The following NELL1 variants were observed in gnomAD, a reference collection of about 807,000 sequenced individuals.
The protein encoded by NELL1 is protein kinase C-binding protein NELL1.
Under a neutral mutation model 107.4 loss-of-function variants are expected in NELL1, and 76 were observed. The ratio of observed to expected loss-of-function variants is 0.71; its 90% CI spans 0.59 to 0.86. The LOEUF (loss-of-function observed/expected upper bound fraction) is 0.86, where lower values mean the gene tolerates loss of function less well. NELL1 is among the 40% of genes least tolerant of loss of function. NELL1 has a pLI of 0.00. For missense variants in NELL1, 1,024 were observed against 1,005.5 expected (o/e 1.02, Z -0.25); for synonymous variants, 353 against 341.2 (o/e 1.03, Z -0.38).
At chr11:21,053,062 G>A (rs1448283580) in intron 12 of NELL1, among the ~76,000 whole-genome samples, 1 of 152,054 alleles carries the variant, frequency 6.6e-6, no homozygotes, top group African/African-American at 2.4e-5. Flanking sequence ...TTTGCAGGAG[G>A]GCTCCCGTCC....
chr11:21,517,569 C>T (rs1310205300), intron 15 of NELL1, among the ~76,000 whole-genome samples: 1 of 152,072 alleles, frequency 6.6e-6, no homozygotes, highest in African/African-American at 2.4e-5. Context: ...AATATGGTAG[C>T]GTATAGACAT....
intron 4 of NELL1, among the ~76,000 whole-genome samples, chr11:20,874,617 A>C (rs1564944994): frequency 6.6e-6 from 1 of 152,148 alleles, no homozygotes; most frequent in Admixed American, 6.5e-5. Context: ...ATAAATTTTG[A>C]GACAGTGCCT....
intron 1 of NELL1, among the ~76,000 whole-genome samples, chr11:20,676,688 C>G (rs1341182260): frequency 6.6e-6 from 1 of 152,144 alleles, no homozygotes; most frequent in African/African-American, 2.4e-5. Flanking sequence ...ATTTCCTTCT[C>G]CAAGGCTGTA....
chr11:20,751,176 T>A (rs1856130033), intron 2 of NELL1, among the ~76,000 whole-genome samples: 1 of 146,264 alleles, frequency 6.8e-6, no homozygotes, highest in South Asian at 2.1e-4. Context: ...AATTCCAACT[T>A]TTTTTTTTTT....
At chr11:20,691,836 T>C (rs1243573171) in intron 2 of NELL1, among the ~76,000 whole-genome samples, 2 of 152,242 alleles carry the variant, frequency 1.3e-5, no homozygotes, top group South Asian at 4.1e-4. Flanking sequence ...TTTCTATTGA[T>C]TGGAATAGTT....
intron 15 of NELL1, among the ~76,000 whole-genome samples, chr11:21,486,343 A>C (rs538449614): frequency 6.4e-4 from 97 of 152,250 alleles, no homozygotes; most frequent in African/African-American, 2.0e-3. Context: ...ACCCTAAGCC[A>C]CTGAGGAAAT....
intron 2 of NELL1, among the ~76,000 whole-genome samples, chr11:20,761,529 T>G (rs916295747): frequency 1.3e-5 from 2 of 152,206 alleles, no homozygotes; most frequent in African/African-American, 4.8e-5. Context: ...GTCAGAAATA[T>G]TTTGTAGTCT....
At chr11:21,053,967 A>G (rs1853557723) in intron 12 of NELL1, among the ~76,000 whole-genome samples, 1 of 152,100 alleles carries the variant, frequency 6.6e-6, no homozygotes. Context: ...TTCCCCATTC[A>G]CTATTTTGTA....
chr11:21,105,870 CCTTCCT>C (rs1330242712), intron 12 of NELL1, among the ~76,000 whole-genome samples: 10 of 7,118 alleles, frequency 1.4e-3, no homozygotes, highest in African/African-American at 5.4e-3. Context: ...CTCCCCCTCC[CCTTCCT>C]CTCTCCTCTC....
intron 15 of NELL1, among the ~76,000 whole-genome samples, chr11:21,430,526 A>C (rs1352708633): frequency 1.3e-5 from 2 of 152,156 alleles, no homozygotes; most frequent in African/African-American, 2.4e-5. Context: ...ATTCAGCACT[A>C]AGCAAACTGG....
chr11:20,773,170 A>G (rs1263784323), intron 2 of NELL1, among the ~76,000 whole-genome samples: 1 of 152,066 alleles, frequency 6.6e-6, no homozygotes, highest in Non-Finnish European at 1.5e-5. Flanking sequence ...ACCATAACCA[A>G]CCATCAGTGT....
intron 12 of NELL1, among the ~76,000 whole-genome samples, chr11:21,045,201 A>T (rs1463761458): frequency 2.0e-5 from 3 of 152,140 alleles, no homozygotes; most frequent in African/African-American, 7.2e-5. Context: ...AATGAAAGTG[A>T]GTTGAGAGCC....
intron 12 of NELL1, among the ~76,000 whole-genome samples, chr11:20,980,442 T>A (rs940460236): frequency 1.3e-5 from 2 of 152,158 alleles, no homozygotes; most frequent in African/African-American, 4.8e-5. Flanking sequence ...AGTTTCCTGA[T>A]GAATTCTGCA....
chr11:21,372,718 A>G (rs1851383713), intron 15 of NELL1, among the ~76,000 whole-genome samples: 1 of 151,942 alleles, frequency 6.6e-6, no homozygotes, highest in African/African-American at 2.4e-5. Flanking sequence ...CATTTTCACC[A>G]AGCACCTCAG....
At chr11:21,368,774 A>G (rs1180266013) in intron 14 of NELL1, among the ~76,000 whole-genome samples, 1 of 152,110 alleles carries the variant, frequency 6.6e-6, no homozygotes, top group Non-Finnish European at 1.5e-5. Flanking sequence ...TCTGGATATT[A>G]GACAATTTGT....
At chr11:21,157,168 T>A (rs1856260250) in intron 13 of NELL1, among the ~76,000 whole-genome samples, 1 of 151,818 alleles carries the variant, frequency 6.6e-6, no homozygotes, top group South Asian at 2.1e-4. Flanking sequence ...TATATGTGTG[T>A]GTGTGTGTGT....
chr11:20,975,958 A>ATGTACACATATATGTACAT (rs1554953036), intron 12 of NELL1, among the ~76,000 whole-genome samples: 3 of 102,668 alleles, frequency 2.9e-5, no homozygotes, highest in African/African-American at 3.5e-5. Context: ...TATGTACATT[A>ATGTACACATATATGTACAT]TATATACATT....
intron 12 of NELL1, among the ~76,000 whole-genome samples, chr11:20,982,464 T>A (rs1362188131): frequency 6.6e-6 from 1 of 152,126 alleles, no homozygotes; most frequent in Non-Finnish European, 1.5e-5. Flanking sequence ...CCAATTTAGG[T>A]CCCTATTTGC....
intron 2 of NELL1, among the ~76,000 whole-genome samples, chr11:20,706,414 A>G (rs903033930): frequency 6.6e-6 from 1 of 151,834 alleles, no homozygotes; most frequent in Non-Finnish European, 1.5e-5. Flanking sequence ...AAACTATCAC[A>G]AGGACAAAAA....
Sources: allele counts gnomAD v4.1 joint callset (sites outside exome capture counted in the v4.1 genomes callset), GRCh38; gene constraint gnomAD v4.1.1; transcripts MANE v1.5; gene names NCBI Gene and HGNC (gene_info 2026-07-23, HGNC 2026-07-21).